The following PLCH1 variants were observed in gnomAD, a reference collection of about 807,000 sequenced individuals.
PLCH1 encodes the protein phospholipase C eta 1.
In PLCH1, 60 loss-of-function variants were observed where a neutral mutation model predicts 126.7. The ratio of observed to expected loss-of-function variants is 0.47; its 90% CI spans 0.38 to 0.59. The LOEUF (loss-of-function observed/expected upper bound fraction) is 0.59. PLCH1 is among the 20% of genes least tolerant of loss of function. PLCH1 has a pLI of 0.00. For missense variants in PLCH1, 1,723 were observed against 2,040.0 expected, an observed-to-expected ratio of 0.84 and a Z score of 2.99; for synonymous variants, 719 against 734.9, an observed-to-expected ratio of 0.98 and a Z score of 0.35.
In PLCH1 at chr3:155,644,836, T is replaced by C. The variant is rs189308391; in HGVS notation, c.80-48458A>G. On this transcript the variant is annotated intron_variant, in intron 2 of 22. Transcript: ENST00000460012. The stretch of plus-strand genomic sequence containing the variant: ...CTGTTGATAAGAACAGGCTCCTTTT[T>C]TAGAAATCAAATCTGAGCCACTGTG... Among the ~76,000 whole-genome samples, 130 of 152,314 alleles carry C rather than the reference T, an allele frequency of 8.5e-4. No individual in the cohort carries two copies. In the East Asian group the frequency reaches 0.016, roughly 19 times the overall value.
chr3:155,701,030 C>T (rs937142836), intron 2 of PLCH1, among the ~76,000 whole-genome samples: 98 of 152,132 alleles, frequency 6.4e-4, no homozygotes, highest in African/African-American at 2.2e-3. Flanking sequence ...GAGGGAAATA[C>T]AAAAATTCAT....
At chr3:155,608,640 G>A (rs1186551874) in intron 2 of PLCH1, among the ~76,000 whole-genome samples, 4 of 151,976 alleles carry the variant, frequency 2.6e-5, no homozygotes, top group African/African-American at 7.2e-5. Context: ...TGAGGCAGCC[G>A]TAATTACTCT....
At chr3:155,452,004 T>A (rs1041372788) in intron 21 of PLCH1, among the ~76,000 whole-genome samples, 2 of 152,148 alleles carry the variant, frequency 1.3e-5, no homozygotes, top group African/African-American at 4.8e-5. Flanking sequence ...AATCCCTCTC[T>A]CTCTGTCTCT....
intron 10 of PLCH1, among the ~76,000 whole-genome samples, chr3:155,542,795 T>C (rs1170264296): frequency 6.6e-6 from 1 of 152,150 alleles, no homozygotes; most frequent in African/African-American, 2.4e-5. Flanking sequence ...AGTGGACCTC[T>C]AGCAAACTCC....
chr3:155,697,882 C>T (rs951791120), intron 2 of PLCH1, among the ~76,000 whole-genome samples: 2 of 152,152 alleles, frequency 1.3e-5, no homozygotes, highest in Non-Finnish European at 2.9e-5. Flanking sequence ...CACCTCACCG[C>T]TGCTGACATA....
chr3:155,472,667 C>A (rs4680184), intron 21 of PLCH1, among the ~76,000 whole-genome samples: 7 of 150,218 alleles, frequency 4.7e-5, no homozygotes, highest in Admixed American at 4.6e-4. Context: ...AACATTGATG[C>A]AAAAATCCTC....
At chr3:155,525,067 CCCAACACT>C (rs1211283707) in intron 10 of PLCH1, among the ~76,000 whole-genome samples, 3 of 152,126 alleles carry the variant, frequency 2.0e-5, no homozygotes, top group Non-Finnish European at 2.9e-5. Flanking sequence ...TCCCTGTAAT[CCCAACACT>C]CCAGGAGGCC....
chr3:155,623,209 A>G (rs1383353275), intron 2 of PLCH1, among the ~76,000 whole-genome samples: 3 of 152,246 alleles, frequency 2.0e-5, no homozygotes, highest in Non-Finnish European at 4.4e-5. Context: ...GAAACCAATG[A>G]GAACAAAGAC....
chr3:155,707,311 G>A (rs1441134619), intron 1 of PLCH1, among the ~76,000 whole-genome samples: 1 of 152,168 alleles, frequency 6.6e-6, no homozygotes, highest in African/African-American at 2.4e-5. Flanking sequence ...CTAACCCCAA[G>A]TATTTCAGAT....
chr3:155,509,162 C>G (rs1230076433), intron 12 of PLCH1, among the ~76,000 whole-genome samples: 1 of 140,364 alleles, frequency 7.1e-6, no homozygotes, highest in Non-Finnish European at 1.5e-5. Flanking sequence ...GTAGTATTCT[C>G]TTATGGTAGT....
intron 2 of PLCH1, among the ~76,000 whole-genome samples, chr3:155,623,569 A>G (rs1736816984): frequency 6.6e-6 from 1 of 152,226 alleles, no homozygotes; most frequent in African/African-American, 2.4e-5. Context: ...AAAATGATAA[A>G]GGGGAGATCA....
At chr3:155,580,651 G>A (rs1240582491) in intron 6 of PLCH1, among the ~76,000 whole-genome samples, 2 of 152,034 alleles carry the variant, frequency 1.3e-5, no homozygotes, top group African/African-American at 4.8e-5. Flanking sequence ...AACTAAGTGA[G>A]CATGATTTCA....
intron 2 of PLCH1, among the ~76,000 whole-genome samples, chr3:155,665,447 T>G (rs527387359): frequency 6.6e-6 from 1 of 151,680 alleles, no homozygotes; most frequent in South Asian, 2.1e-4. Context: ...AAGCAAAGAG[T>G]GCTTTCAAGA....
chr3:155,478,487 G>A (rs139505058), downstream of PLCH1, among the ~76,000 whole-genome samples: 1,018 of 152,192 alleles, frequency 6.7e-3, 8 homozygotes, highest in African/African-American at 0.023. Flanking sequence ...ATTTCACATT[G>A]CATGCCTATA....
At chr3:155,488,165 T>C (rs900565175) in intron 20 of PLCH1, 58 bp from the exon 21 acceptor site, 8 of 969,538 alleles carry the variant, frequency 8.3e-6, no homozygotes, top group Non-Finnish European at 1.3e-5. Context: ...GGCTTTCTCA[T>C]GGGTGCAACA....
intron 1 of PLCH1, among the ~76,000 whole-genome samples, chr3:155,735,852 T>C (rs1749144911): frequency 6.6e-6 from 1 of 152,192 alleles, no homozygotes; most frequent in South Asian, 2.1e-4. Context: ...ACACAAAATA[T>C]GTTACGTCTG....
chr3:155,619,263 T>C (rs914734438), intron 2 of PLCH1, among the ~76,000 whole-genome samples: 1 of 101,788 alleles, frequency 9.8e-6, no homozygotes, highest in Non-Finnish European at 1.9e-5. Flanking sequence ...TACTCTATAG[T>C]GTACAGTACA....
intron 5 of PLCH1, among the ~76,000 whole-genome samples, 187 bp downstream of exon 5, chr3:155,585,878 T>C (rs973697624): frequency 6.6e-6 from 1 of 152,234 alleles, no homozygotes; most frequent in African/African-American, 2.4e-5. Flanking sequence ...AGTGAAATTT[T>C]GGACGAATGT....
chr3:155,717,964 G>A (rs1747657334), intron 1 of PLCH1, among the ~76,000 whole-genome samples: 2 of 152,146 alleles, frequency 1.3e-5, no homozygotes, highest in Non-Finnish European at 2.9e-5. Context: ...CTATTTAAAT[G>A]TAAATTCCAA....
Sources: allele counts gnomAD v4.1 joint callset (sites outside exome capture counted in the v4.1 genomes callset), GRCh38; gene constraint gnomAD v4.1.1; transcripts MANE v1.5; gene names NCBI Gene and HGNC (gene_info 2026-07-23, HGNC 2026-07-21).